Variants in TRIM29 observed in about 807,000 individuals in gnomAD.
The protein encoded by TRIM29 is tripartite motif containing 29, also known as tripartite motif-containing protein 29.
A neutral mutation model predicts 57.3 loss-of-function variants in TRIM29; 52 were observed. The observed-to-expected ratio is 0.91, with a 90% CI of 0.73 to 1.14. The LOEUF is 1.14. Ranked by LOEUF, TRIM29 falls within the 50% of genes most tolerant of loss-of-function variation. TRIM29 has a pLI of 0.00. For synonymous variants in TRIM29, 319 were observed against 316.9 expected (o/e 1.01, Z -0.07); for missense variants, 753 against 774.6 (o/e 0.97, Z 0.33).
chr11:120,120,430 C>A (rs1485016098), intron 6 of TRIM29, 143 bp downstream of exon 6: 4 of 734,634 alleles, frequency 5.4e-6, no homozygotes, highest in Non-Finnish European at 6.8e-6. Context: ...CTACCCATGC[C>A]TGGACCCTCC....
intron 5 of TRIM29, chr11:120,122,131 A>AGAGTGTGTGTGT (rs1555050280): frequency 9.9e-6 from 2 of 202,016 alleles, no homozygotes; most frequent in African/African-American, 5.6e-5. Context: ...TGTGTGTGTG[A>AGAGTGTGTGTGT]GTGTGTGTGT....
At chr11:120,127,649 G>A in intron 2 of TRIM29, 80 bp from the exon 3 acceptor site, 2 of 1,322,472 alleles carry the variant, frequency 1.5e-6, no homozygotes, top group East Asian at 4.9e-5. Flanking sequence ...TATGTCTTTA[G>A]GTTTCCAGCA....
chr11:120,128,848 G>A (rs945156475), intron 1 of TRIM29: 9 of 1,501,848 alleles, frequency 6.0e-6, no homozygotes, highest in Middle Eastern at 1.8e-4. Flanking sequence ...TGGACCTGGG[G>A]ACAATGGGAA....
At position 120,131,841 on chromosome 11, in the gene TRIM29, G is replaced by A. The variant is rs556977787; in HGVS notation, c.805-3346C>T. Reference sequence around the variant, plus strand: ...TCGCTGGGCTCTCCTTCAACACTAGGAGAGGGAAGGAAGGCAGTGTTGATT... The same window carrying A: ...TCGCTGGGCTCTCCTTCAACACTAGAAGAGGGAAGGAAGGCAGTGTTGATT... On this transcript the variant is annotated intron_variant, in intron 1 of 8. Transcript: ENST00000341846. Among the ~76,000 whole-genome samples, 3 of 149,884 alleles carry A rather than the reference G, an allele frequency of 2.0e-5. No individual in the cohort carries two copies. In the Admixed American group the frequency reaches 2.0e-4, roughly 10 times the overall value.
rs770389033 is a variant in TRIM29 at position 120,128,493 on chromosome 11, C to T, written c.807G>A (p.Thr269=). 1.1e-5 allele frequency: 17 copies of T among 1,608,954 alleles called. No homozygotes were observed. Among genetic ancestry groups the T allele is most frequent in the African/African-American group, 4.0e-5 (3 of 74,858 alleles). ...TVEEAKAEKE[T]ELSLQKEQLQ... Reference sequence around the variant, plus strand: ...GCTGCTCCTTTTGCAATGACAGCTCCGTCTGCAGAGAAAGAGCCAGGATTG... The same window carrying T: ...GCTGCTCCTTTTGCAATGACAGCTCTGTCTGCAGAGAAAGAGCCAGGATTG... The change falls in exon 2 of 9, where the codon ACG becomes ACA. Residue 269 remains threonine, a splice_region_variant and synonymous_variant. Coordinates refer to ENST00000341846, the MANE Select transcript of TRIM29 (RefSeq NM_012101.4).
chr11:120,112,543 T>C, intron 8 of TRIM29, 67 bp from the exon 9 acceptor site: 1 of 1,552,460 alleles, frequency 6.4e-7, no homozygotes, highest in Non-Finnish European at 8.9e-7. Context: ...AGACCCACCC[T>C]ACCCTAACCT....
intron 5 of TRIM29, among the ~76,000 whole-genome samples, chr11:120,121,086 G>C (rs1035158031): frequency 6.6e-6 from 1 of 152,102 alleles, no homozygotes; most frequent in Non-Finnish European, 1.5e-5. Flanking sequence ...ACAGCCTTGT[G>C]AGGAAGCAGT....
At chr11:120,126,634 C>T (rs1272921248) in intron 3 of TRIM29, among the ~76,000 whole-genome samples, 2 of 152,190 alleles carry the variant, frequency 1.3e-5, no homozygotes, top group Non-Finnish European at 2.9e-5. Context: ...TCTGTCCTCC[C>T]TCTCAAATCC....
rs1291511454 is a variant in TRIM29, at chr11:120,112,152, C to G, written c.*262G>C. ...AGGGCAGGCCCCAACCTATCTCACC[C>G]CTGTGATGGGTTGGCCTCTGAGCAC... On this transcript the variant is annotated 3_prime_UTR_variant, in exon 9 of 9. Transcript: ENST00000341846. 1 of 451,654 alleles carries G rather than the reference C, an allele frequency of 2.2e-6. No homozygotes were observed. Among genetic ancestry groups the G allele is most frequent in the African/African-American group, 2.1e-5 (1 of 48,534 alleles). The allele number at this position is 451,654 out of a possible 1,614,324, so 28.0% of individuals were successfully genotyped here.
intron 5 of TRIM29, among the ~76,000 whole-genome samples, chr11:120,122,372 C>T (rs985629796): frequency 7.2e-5 from 11 of 152,126 alleles, no homozygotes; most frequent in African/African-American, 2.4e-4. Flanking sequence ...GAGGCCACCA[C>T]AGGGCAAGGA....
At chr11:120,118,963 C>G (rs1220545495) in intron 6 of TRIM29, 1 of 152,416 alleles carries the variant, frequency 6.6e-6, no homozygotes, top group African/African-American at 2.4e-5. Context: ...ATGTGCCTGT[C>G]TGGCCCCTGC....
chr11:120,127,278 G>T, intron 3 of TRIM29, 58 bp downstream of exon 3: 1 of 1,482,876 alleles, frequency 6.7e-7, no homozygotes, highest in East Asian at 2.3e-5. Flanking sequence ...TTGGAGGGGG[G>T]TCTCAAAAAG....
intron 1 of TRIM29, chr11:120,128,723 G>A (rs749780770): frequency 2.2e-4 from 342 of 1,535,538 alleles, no homozygotes; most frequent in Non-Finnish European, 2.7e-4. Flanking sequence ...GTATTCTCAG[G>A]CCACTAGGGC....
intron 4 of TRIM29, 53 bp downstream of exon 4, chr11:120,125,637 AT>A (rs1863568580): frequency 1.3e-6 from 2 of 1,595,114 alleles, no homozygotes; most frequent in Middle Eastern, 1.9e-4. Flanking sequence ...GCAGGAATTG[AT>A]TTGGGAGAGA....
chr11:120,128,665 C>T, intron 1 of TRIM29, 170 bp from the exon 2 acceptor site: 2 of 1,532,822 alleles, frequency 1.3e-6, no homozygotes, highest in Non-Finnish European at 1.7e-6. Context: ...ATGCCAGGCA[C>T]CATGCCAGTC....
chr11:120,137,941 T>C lies in TRIM29; in HGVS notation c.91A>G (p.Asn31Asp). Reference sequence around the variant, plus strand: ...TCCTTGCCGTCAGCCTTGGTGCCATTCTCCAGGCTGCCACTGGGGCCCGAC... The same window carrying C: ...TCCTTGCCGTCAGCCTTGGTGCCATCCTCCAGGCTGCCACTGGGGCCCGAC... ...SPSGPSGSLE[N>D]GTKADGKDAK... The change falls in exon 1 of 9, where the codon AAT becomes GAT. Residue 31 changes from asparagine to aspartate, a missense_variant. Physicochemically the swap from Asn to Asp is conservative, Grantham distance 23. Coordinates refer to ENST00000341846, the MANE Select transcript of TRIM29 (RefSeq NM_012101.4). This position sits in a 1 kb window ranked among gnomAD's most constrained non-coding sequence, Gnocchi z 6.2. The C allele has an allele frequency of 6.2e-7, 1 of 1,608,478 alleles. No individual in the cohort carries two copies. Among genetic ancestry groups the C allele is most frequent in the South Asian group, 1.1e-5 (1 of 91,078 alleles).
rs374249575 is a variant in TRIM29 at position 120,136,934 on chromosome 11, G to A, written c.804+294C>T. Among the ~76,000 whole-genome samples the A allele has an allele frequency of 9.8e-5, 15 of 152,290 alleles. No homozygotes were observed. In the East Asian group the frequency reaches 2.7e-3, roughly 27 times the overall value. ...TGGGTCATACTCTCTAACCTGACTC[G>A]AATTTATCCTATGACTTTGGTCAGG... On this transcript the variant is annotated intron_variant, in intron 1 of 8. Coordinates refer to ENST00000341846, the MANE Select transcript of TRIM29 (RefSeq NM_012101.4).
chr11:120,130,986 A>T (rs540625126), intron 1 of TRIM29, among the ~76,000 whole-genome samples: 1 of 152,192 alleles, frequency 6.6e-6, no homozygotes, highest in African/African-American at 2.4e-5. Flanking sequence ...TGAGGTCAAG[A>T]CACTGGGCTG....
At position 120,137,897 on chromosome 11, in the gene TRIM29, C is replaced by T; in HGVS notation, c.135G>A (p.Gly45=). The T allele has an allele frequency of 6.2e-7, 1 of 1,611,022 alleles. No individual in the cohort carries two copies. The stretch of plus-strand genomic sequence containing the variant: ...TGCCCTCAGCTGCCTCCCCGCCGTG[C>T]CCGTTGGTGGTCTTGGCATCCTTGC... ...ADGKDAKTTN[G]HGGEAAEGKS... is the part of the protein sequence containing the mutation. Residue 45 remains glycine (G), a synonymous_variant, in exon 1 of 9, where the codon GGG becomes GGA. Coordinates refer to ENST00000341846, the MANE Select transcript of TRIM29 (RefSeq NM_012101.4). The surrounding 1 kb of genome is among the most constrained non-coding windows in gnomAD (Gnocchi z 6.2).
Sources: allele counts gnomAD v4.1 joint callset (sites outside exome capture counted in the v4.1 genomes callset), GRCh38; gene constraint gnomAD v4.1.1; non-coding constraint Gnocchi (gnomAD v3.1); transcripts MANE v1.5; gene names NCBI Gene and HGNC (gene_info 2026-07-23, HGNC 2026-07-21).